The following NOLC1 variants were observed in gnomAD, a reference collection of about 807,000 sequenced individuals.
NOLC1 encodes the protein nucleolar and coiled-body phosphoprotein 1.
In NOLC1, 37 loss-of-function variants were observed where a neutral mutation model predicts 73.4. The ratio of observed to expected loss-of-function variants is 0.50; its 90% CI spans 0.39 to 0.66. NOLC1 has a LOEUF of 0.66. Among genes scored for constraint, NOLC1 ranks in the 30% least tolerant of loss-of-function variants. The pLI is 0.00. For synonymous variants in NOLC1, 327 were observed against 302.6 expected, an observed-to-expected ratio of 1.08 and a Z score of -0.84; for missense variants, 921 against 838.9, an observed-to-expected ratio of 1.10 and a Z score of -1.21.
Position 102,160,705 on chromosome 10 carries a change from C to T in NOLC1, c.1353C>T (p.Ala451=), listed in dbSNP as rs1165539742. The T allele has an allele frequency of 1.9e-6, 3 of 1,614,070 alleles. No individual in the cohort carries two copies. The East Asian group carries it at 6.7e-5, about 36-fold the overall frequency. ...CCACCACTAAGCCCAAGGCGACTGC[C>T]AAAGCAGCTCTATCTCTGCCTGCCA... ...MVATTKPKAT[A]KAALSLPAKQ... is the part of the protein sequence containing the mutation. Residue 451 remains alanine, a synonymous_variant, in exon 10 of 13, where the codon GCC becomes GCT. Transcript: ENST00000605788.
At chr10:102,154,570 C>A (rs2069559121) in intron 1 of NOLC1, among the ~76,000 whole-genome samples, 1 of 151,850 alleles carries the variant, frequency 6.6e-6, no homozygotes, top group South Asian at 2.1e-4. Flanking sequence ...GGCGGGAGTG[C>A]AGTGGTGCAA....
chr10:102,157,165 A>T (rs754537656), intron 2 of NOLC1, 24 bp from the exon 3 acceptor site: 56 of 1,613,836 alleles, frequency 3.5e-5, no homozygotes, highest in Non-Finnish European at 4.3e-5. Context: ...GTCCCCTAGA[A>T]ATTGGTCCAA....
In NOLC1 at chr10:102,160,834, A is replaced by G; in HGVS notation, c.1482A>G (p.Pro494=). The stretch of plus-strand genomic sequence containing the variant: ...CTAAGTCTGCAGTTAAGAAGAAGCC[A>G]CAGAAGGTAGCAGGAGGTGCAGCCC... The part of the protein sequence containing the change: ...KTSKSAVKKK[P]QKVAGGAAPS... Residue 494 remains proline (P), a synonymous_variant, in exon 10 of 13, where the codon CCA becomes CCG. Coordinates refer to ENST00000605788, the MANE Select transcript of NOLC1 (RefSeq NM_004741.5). 6.2e-7 allele frequency: 1 copy of G among 1,614,200 alleles called. No individual in the cohort carries two copies. Among genetic ancestry groups the G allele is most frequent in the Non-Finnish European group, 8.5e-7 (1 of 1,180,026 alleles).
rs938480887 is a variant in NOLC1 at position 102,159,292 on chromosome 10, C to G, written c.707C>G (p.Ala236Gly). ...GATGACTCAGAGGAGGAGAAGGCAG[C>G]AGCCACCCCCAAGAAGGTCTGGACC... ...SSDDSEEEKAAATPKKTVPKK... is the reference protein window; with the variant it reads ...SSDDSEEEKAGATPKKTVPKK... Residue 236 changes from alanine to glycine, a missense_variant, in exon 6 of 13, where the codon GCA (alanine) becomes GGA (glycine). Physicochemically the swap from Ala to Gly is moderately conservative, Grantham distance 60. Coordinates refer to ENST00000605788, the MANE Select transcript of NOLC1 (RefSeq NM_004741.5). 5 of 1,613,994 alleles carry G rather than the reference C, an allele frequency of 3.1e-6. No homozygotes were observed. Among genetic ancestry groups the G allele is most frequent in the Admixed American group, 3.3e-5 (2 of 59,982 alleles).
At chr10:102,152,551 G>A (rs753093011) in intron 1 of NOLC1, 21 bp downstream of exon 1, 1 of 1,612,916 alleles carries the variant, frequency 6.2e-7, no homozygotes, top group Non-Finnish European at 8.5e-7. Flanking sequence ...GGCTTGGGGC[G>A]GGGACCGGGC....
In NOLC1 at chr10:102,160,353, A is replaced by G. The variant is rs369591428; in HGVS notation, c.1099+10A>G. The stretch of plus-strand genomic sequence containing the variant: ...TCTTCAGACAGCTCAGGTAAGGCAT[A>G]TGGAGGCCCTCAGTTCAGTGAGATG... On this transcript the variant is annotated intron_variant, in intron 9 of 12. Transcript: ENST00000605788. 148 of 1,613,894 alleles carry G rather than the reference A, an allele frequency of 9.2e-5. No homozygotes were observed. In the African/African-American group the frequency reaches 1.6e-3, roughly 17 times the overall value.
In NOLC1 at chr10:102,161,626, G is replaced by A. The variant is rs1009342544; in HGVS notation, c.1812G>A (p.Lys604=). 2 of 1,613,888 alleles carry A rather than the reference G, an allele frequency of 1.2e-6. No individual in the cohort carries two copies. Among genetic ancestry groups the A allele is most frequent in the Non-Finnish European group, 8.5e-7 (1 of 1,179,940 alleles). The change falls in exon 11 of 13, where the codon AAG becomes AAA. Residue 604 remains lysine, a synonymous_variant. Transcript: ENST00000605788. ...EAETPQAKKI[K]LQTPNTFPKR... Reference sequence around the variant, plus strand: ...AGACTCCTCAGGCCAAGAAGATAAAGCTTCAGACCCCTAACACATTTCCAA... The same window carrying A: ...AGACTCCTCAGGCCAAGAAGATAAAACTTCAGACCCCTAACACATTTCCAA...
At position 102,162,208 on chromosome 10, in the gene NOLC1, G is replaced by T. The variant is rs1016345338; in HGVS notation, c.2039G>T (p.Gly680Val). 5.6e-6 allele frequency: 9 copies of T among 1,613,980 alleles called. No homozygotes were observed. The highest frequency in any genetic ancestry group is 1.3e-5 in the African/African-American group (1 of 74,880). ...CATGAGAAAACCAAGAAGAAGCGGG[G>T]CAGCTACCGGGGAGGCTCAATCTCT... ...FRHEKTKKKR[G>V]SYRGGSISVQ... The change falls in exon 13 of 13, where the codon GGC becomes GTC. Residue 680 changes from glycine to valine, a missense_variant. Gly to Val is a moderately radical substitution (Grantham distance 109). Transcript: ENST00000605788.
At chr10:102,153,045 A>G (rs2069532445) in intron 1 of NOLC1, among the ~76,000 whole-genome samples, 1 of 152,214 alleles carries the variant, frequency 6.6e-6, no homozygotes, top group African/African-American at 2.4e-5. Context: ...TACACTGAGA[A>G]TTGAGAGTCA....
chr10:102,159,817 G>A lies in NOLC1; in HGVS notation c.860-79G>A. 9.4e-6 allele frequency: 13 copies of A among 1,380,440 alleles called. No individual in the cohort carries two copies. In the South Asian group the frequency reaches 1.8e-4, roughly 20 times the overall value. 85.5% of individuals were successfully genotyped at this position (1,380,440 alleles called of 1,614,324 possible). On this transcript the variant is annotated intron_variant, in intron 7 of 12. Transcript: ENST00000605788. Reference sequence around the variant, plus strand: ...CCATACTCAAGTGAAGGGGAATTAAGCTTCATTTCTACAAGAAAGTAGTAT... The same window carrying A: ...CCATACTCAAGTGAAGGGGAATTAAACTTCATTTCTACAAGAAAGTAGTAT...
At chr10:102,156,353 C>G (rs2069593745) in intron 1 of NOLC1, among the ~76,000 whole-genome samples, 1 of 151,402 alleles carries the variant, frequency 6.6e-6, no homozygotes, top group Admixed American at 6.6e-5. Context: ...ATCCAGTGAT[C>G]CTCCTGTCTC....
In NOLC1 at chr10:102,159,483, C is replaced by T. The variant is rs2069661941; in HGVS notation, c.774C>T (p.Thr258=). ...CCAAGGCCCCAGTGAAAGCAGCTAC[C>T]ACCCCTACCCGGAAGAGTTCTAGCA... ...VVAKAPVKAA[T]TPTRKSSSSE... The change falls in exon 7 of 13, where the codon ACC becomes ACT. Residue 258 remains threonine (T), a synonymous_variant. Transcript: ENST00000605788. 5.0e-6 allele frequency: 8 copies of T among 1,614,060 alleles called. No individual in the cohort carries two copies. Among genetic ancestry groups the T allele is most frequent in the African/African-American group, 1.3e-5 (1 of 74,918 alleles).
Position 102,160,560 on chromosome 10 carries a change from C to G in NOLC1, c.1208C>G (p.Ala403Gly), listed in dbSNP as rs745803076. Residue 403 changes from alanine to glycine, a missense_variant, in exon 10 of 13, where the codon GCT becomes GGT. Coordinates refer to ENST00000605788, the MANE Select transcript of NOLC1 (RefSeq NM_004741.5). ...ACCAAGTCACCTGCAGTGAAGCCAG[C>G]TGCAGCCCCCAAGCAACCTGTGGGC... ...VTTKSPAVKP[A>G]AAPKQPVGGG... The G allele has an allele frequency of 6.2e-7, 1 of 1,614,222 alleles. No homozygotes were observed. The highest frequency in any genetic ancestry group is 1.1e-5 in the South Asian group (1 of 91,084).
At chr10:102,155,392 AAGAGAGAG>A (rs35854290) in intron 1 of NOLC1, among the ~76,000 whole-genome samples, 1 of 151,026 alleles carries the variant, frequency 6.6e-6, no homozygotes, top group East Asian at 1.9e-4. Context: ...AAAAAAAAAA[AAGAGAGAG>A]AGAGAGAGAT....
In NOLC1 at chr10:102,160,462, C is replaced by T. The variant is rs1276946216; in HGVS notation, c.1110C>T (p.Ser370=). The change falls in exon 10 of 13, where the codon AGC becomes AGT. Residue 370 remains serine, a synonymous_variant. Transcript: ENST00000605788. ...CCCTTCTGTGTCTAGACTCTGACAG[C>T]TCTGAGGATGATGAAGCTCCTTCTA... ...ESSSDSSDSD[S]SEDDEAPSKP... 3 of 1,613,506 alleles carry T rather than the reference C, an allele frequency of 1.9e-6. No individual in the cohort carries two copies. The Admixed American group carries it at 5.0e-5, about 27-fold the overall frequency.
chr10:102,160,017 T>C lies in NOLC1; in HGVS notation c.981T>C (p.Asp327=). ...TGGAAAGCAGTGAAGACAGCAGTGA[T>C]GAGTCTGGTGAGTCAGAGGGATGCA... ...QPVESSEDSS[D]ESDSSSEEEK... Residue 327 remains aspartate (D), a synonymous_variant, in exon 8 of 13, where the codon GAT becomes GAC. Coordinates refer to ENST00000605788, the MANE Select transcript of NOLC1 (RefSeq NM_004741.5). 1 of 1,612,562 alleles carries C rather than the reference T, an allele frequency of 6.2e-7. No individual in the cohort carries two copies. Among genetic ancestry groups the C allele is most frequent in the East Asian group, 2.2e-5 (1 of 44,858 alleles).
In NOLC1 at chr10:102,160,611, A is replaced by T; in HGVS notation, c.1259A>T (p.Lys420Met). The T allele has an allele frequency of 5.6e-6, 9 of 1,614,244 alleles. 1 individual carries two copies. In the South Asian group the frequency reaches 9.9e-5, roughly 18 times the overall value. ...VGGGQKLLTR[K>M]ADSSSSEEES... is the part of the protein sequence containing the mutation. ...GGTGGCCAGAAGCTTCTGACGAGAA[A>T]GGCTGACAGCAGCTCCAGTGAGGAA... The change falls in exon 10 of 13, where the codon AAG becomes ATG. Residue 420 changes from lysine (K) to methionine (M), a missense_variant. Lys to Met is a moderately conservative substitution (Grantham distance 95). Transcript: ENST00000605788.
rs758952693 is a variant in NOLC1, at chr10:102,159,276, G to C, written c.691G>C (p.Glu231Gln). ...CAGCAGCAGTAGCAGTGATGACTCA[G>C]AGGAGGAGAAGGCAGCAGCCACCCC... is the stretch of plus-strand genomic sequence containing the variant. ...SSSSSSSDDS[E>Q]EEKAAATPKK... Residue 231 changes from glutamate to glutamine, a missense_variant, in exon 6 of 13, where the codon GAG becomes CAG. Transcript: ENST00000605788. The C allele has an allele frequency of 1.2e-6, 2 of 1,614,130 alleles. No individual in the cohort carries two copies. Among genetic ancestry groups the C allele is most frequent in the Non-Finnish European group, 1.7e-6 (2 of 1,180,034 alleles).
Position 102,159,414 on chromosome 10 carries a change from A to C in NOLC1, c.724-19A>C. 1 of 1,613,946 alleles carries C rather than the reference A, an allele frequency of 6.2e-7. No individual in the cohort carries two copies. The highest frequency in any genetic ancestry group is 1.3e-5 in the African/African-American group (1 of 74,990). On this transcript the variant is annotated intron_variant, in intron 6 of 12. Transcript: ENST00000605788. ...GGGTCAGCATTTTCCTGTGGTAATC[A>C]ATTTTCTTTCTAATGCAGACTGTAC...
Sources: allele counts gnomAD v4.1 joint callset (sites outside exome capture counted in the v4.1 genomes callset), GRCh38; gene constraint gnomAD v4.1.1; transcripts MANE v1.5; gene names NCBI Gene and HGNC (gene_info 2026-07-23, HGNC 2026-07-21).